Variants in STXBP5L observed in about 807,000 individuals in gnomAD.
The protein encoded by STXBP5L is syntaxin binding protein 5L.
Under a neutral mutation model 144.5 loss-of-function variants are expected in STXBP5L, and 65 were observed. That is an observed-to-expected ratio of 0.45 (90% CI 0.37 to 0.55). The LOEUF is 0.55. Among genes scored for constraint, STXBP5L ranks in the 20% least tolerant of loss-of-function variants. The pLI, the probability that STXBP5L is intolerant of heterozygous loss-of-function variation, is 0.00. For synonymous variants in STXBP5L, 505 were observed against 469.6 expected (o/e 1.08, Z -0.97); for missense variants, 1,298 against 1,405.5 (o/e 0.92, Z 1.22).
intron 10 of STXBP5L, 148 bp downstream of exon 10, chr3:121,206,149 A>G: frequency 2.3e-6 from 1 of 437,666 alleles, no homozygotes; most frequent in Non-Finnish European, 4.1e-6. Context: ...TGTCTCATAG[A>G]CATATCTCTG....
intron 3 of STXBP5L, among the ~76,000 whole-genome samples, chr3:121,002,538 T>G (rs925823628): frequency 6.6e-6 from 1 of 152,232 alleles, no homozygotes; most frequent in Non-Finnish European, 1.5e-5. Flanking sequence ...CTCAGTTTGA[T>G]ATAGTCCCAT....
intron 3 of STXBP5L, among the ~76,000 whole-genome samples, chr3:121,007,416 C>T (rs760720226): frequency 7.2e-5 from 11 of 151,874 alleles, no homozygotes; most frequent in East Asian, 1.9e-4. Flanking sequence ...GAATTATTTG[C>T]ATCTATTCTA....
At chr3:121,125,684 G>A (rs991998738) in intron 7 of STXBP5L, among the ~76,000 whole-genome samples, 4 of 151,990 alleles carry the variant, frequency 2.6e-5, no homozygotes, top group South Asian at 2.1e-4. Context: ...CCCAAACAAC[G>A]GCTGTTTGCT....
At chr3:121,015,976 A>AT (rs1302483754) in intron 3 of STXBP5L, among the ~76,000 whole-genome samples, 1 of 152,206 alleles carries the variant, frequency 6.6e-6, no homozygotes, top group Non-Finnish European at 1.5e-5. Context: ...ACCAGTCTTC[A>AT]TATAATAACA....
At chr3:121,008,966 T>A (rs1289653872) in intron 3 of STXBP5L, among the ~76,000 whole-genome samples, 3 of 151,944 alleles carry the variant, frequency 2.0e-5, no homozygotes, top group Non-Finnish European at 4.4e-5. Context: ...GTTGATCTTT[T>A]GAGGAATGAT....
At chr3:120,965,784 A>T (rs1939495544) in intron 3 of STXBP5L, among the ~76,000 whole-genome samples, 1 of 152,082 alleles carries the variant, frequency 6.6e-6, no homozygotes, top group African/African-American at 2.4e-5. Flanking sequence ...GAGTATCTTT[A>T]TGATCTTCTC....
intron 5 of STXBP5L, among the ~76,000 whole-genome samples, chr3:121,112,662 T>C (rs2044045092): frequency 6.6e-6 from 1 of 152,054 alleles, no homozygotes; most frequent in South Asian, 2.1e-4. Context: ...CGGTGAAGAT[T>C]GAATAAATGG....
intron 22 of STXBP5L, among the ~76,000 whole-genome samples, chr3:121,384,054 T>C (rs1046523726): frequency 6.6e-6 from 1 of 152,024 alleles, no homozygotes; most frequent in Non-Finnish European, 1.5e-5. Context: ...AATTCATGAG[T>C]CAAATAGTTT....
In STXBP5L at chr3:121,252,795, T is replaced by G. The variant is rs148834479; in HGVS notation, c.1441+2032T>G. Among the ~76,000 whole-genome samples the G allele has an allele frequency of 3.9e-4, 59 of 152,344 alleles. 1 individual carries two copies. The East Asian group carries it at 0.011, about 29-fold the overall frequency. On this transcript the variant is annotated intron_variant, in intron 15 of 26. Transcript: ENST00000471454. The stretch of plus-strand genomic sequence containing the variant: ...TGTGTGTTAGGAATTTGATTATACC[T>G]TCGCTGGGTCCTTTGCTCAGGGTGT...
chr3:121,355,717 C>G (rs1187708806), intron 20 of STXBP5L, among the ~76,000 whole-genome samples: 1 of 152,186 alleles, frequency 6.6e-6, no homozygotes, highest in African/African-American at 2.4e-5. Flanking sequence ...CTCCATCCAG[C>G]TTTGTTCTGT....
Position 121,255,002 on chromosome 3 carries a change from A to C in STXBP5L, c.1549A>C (p.Ile517Leu). 6.2e-7 allele frequency: 1 copy of C among 1,613,668 alleles called. No homozygotes were observed. The highest frequency in any genetic ancestry group is 8.5e-7 in the Non-Finnish European group (1 of 1,179,724). Residue 517 changes from isoleucine (I) to leucine (L), a missense_variant, in exon 16 of 27, where the codon ATT becomes CTT. Coordinates refer to ENST00000471454, the MANE Select transcript of STXBP5L (RefSeq NM_001308330.2). The stretch of plus-strand genomic sequence containing the variant: ...AATTGTAGAGGAAGACCCATTTGCC[A>C]TTCAGATGATTTACTGGTGTCCAGA... ...CEIVEEDPFA[I>L]QMIYWCPESR...
At chr3:121,112,063 G>A (rs1315139836) in intron 5 of STXBP5L, among the ~76,000 whole-genome samples, 1 of 152,030 alleles carries the variant, frequency 6.6e-6, no homozygotes, top group African/African-American at 2.4e-5. Context: ...AGTCCAAACC[G>A]CTCAGTCTCC....
At chr3:121,359,594 T>A (rs2045641487) in intron 20 of STXBP5L, among the ~76,000 whole-genome samples, 3 of 152,236 alleles carry the variant, frequency 2.0e-5, no homozygotes, top group African/African-American at 7.2e-5. Flanking sequence ...TATATTTAAG[T>A]CTTTAATCCG....
At chr3:120,915,792 A>T (rs1402113009) in intron 2 of STXBP5L, among the ~76,000 whole-genome samples, 1 of 152,140 alleles carries the variant, frequency 6.6e-6, no homozygotes, top group Non-Finnish European at 1.5e-5. Context: ...TTATACAGCC[A>T]AAAATAGAAA....
rs112967595 is a variant in STXBP5L at position 121,338,592 on chromosome 3, C to CAAA, written c.2176+20067_2176+20069dup. On this transcript the variant is annotated intron_variant, in intron 20 of 26. Transcript: ENST00000471454. Reference sequence around the variant, plus strand: ...TGGGAGGCAGAGGTTGCATTTCTGTCAAAAAAAAAAAAAAAAAGAGAGAAA... The same window carrying CAAA: ...TGGGAGGCAGAGGTTGCATTTCTGTCAAAAAAAAAAAAAAAAAAAAGAGAGAAA... 2.3e-3 allele frequency among the ~76,000 whole-genome samples: 234 copies of CAAA among 101,524 alleles called. 4 individuals are homozygous for CAAA. Among genetic ancestry groups the CAAA allele is most frequent in the Middle Eastern group, 5.3e-3 (1 of 188 alleles). The allele number at this position is 101,524 out of a possible 152,430, so 66.6% of individuals were successfully genotyped here.
intron 20 of STXBP5L, among the ~76,000 whole-genome samples, chr3:121,374,636 A>G (rs1411759047): frequency 6.6e-6 from 1 of 152,172 alleles, no homozygotes; most frequent in Non-Finnish European, 1.5e-5. Context: ...AACAAATCCT[A>G]GAGCTGAGGA....
chr3:121,343,904 A>G (rs936486132), intron 20 of STXBP5L, among the ~76,000 whole-genome samples: 3 of 152,098 alleles, frequency 2.0e-5, no homozygotes, highest in African/African-American at 7.2e-5. Flanking sequence ...ACTACTTTAA[A>G]GTTCATATGG....
chr3:121,104,227 C>T (rs1166038923), intron 5 of STXBP5L, among the ~76,000 whole-genome samples: 1 of 151,844 alleles, frequency 6.6e-6, no homozygotes. Flanking sequence ...AATATCCTGA[C>T]AAAAGAATCA....
At chr3:121,109,204 T>C (rs1242863638) in intron 5 of STXBP5L, among the ~76,000 whole-genome samples, 1 of 152,136 alleles carries the variant, frequency 6.6e-6, no homozygotes, top group African/African-American at 2.4e-5. Flanking sequence ...TTGTTGACTT[T>C]TTTGAAGGGT....
Sources: gnomAD v4.1 joint callset for allele counts (sites outside exome capture counted in the v4.1 genomes callset) on GRCh38, gnomAD v4.1.1 for gene constraint, MANE v1.5 for transcripts, NCBI Gene and HGNC (gene_info 2026-07-23, HGNC 2026-07-21) for gene names.